The following B3GALT1 variants were observed in gnomAD, a reference collection of about 807,000 sequenced individuals.
The protein encoded by B3GALT1 is beta-1,3-galactosyltransferase 1.
B3GALT1 carries 10 observed loss-of-function variants against 23.2 expected under a neutral mutation model. The ratio of observed to expected loss-of-function variants is 0.43; its 90% CI spans 0.27 to 0.73. The LOEUF is 0.73. Ranked by LOEUF, B3GALT1 falls within the 30% of genes least tolerant of loss-of-function variation. B3GALT1 has a pLI of 0.21. For missense variants in B3GALT1, 299 were observed against 405.4 expected, an observed-to-expected ratio of 0.74 and a Z score of 2.25; for synonymous variants, 156 against 141.5, an observed-to-expected ratio of 1.10 and a Z score of -0.73.
chr2:167,385,269 A>G (rs953787051), intron 1 of B3GALT1, among the ~76,000 whole-genome samples: 5 of 152,008 alleles, frequency 3.3e-5, no homozygotes, highest in African/African-American at 9.7e-5. Flanking sequence ...CTCTCTTTTA[A>G]CATTCTGCCC....
intron 3 of B3GALT1, among the ~76,000 whole-genome samples, chr2:167,743,531 T>C (rs1333455031): frequency 6.6e-6 from 1 of 152,138 alleles, no homozygotes; most frequent in Non-Finnish European, 1.5e-5. Flanking sequence ...ATGTCTGTTT[T>C]TATCTTTTGC....
chr2:167,529,258 A>G (rs559524076), intron 2 of B3GALT1, among the ~76,000 whole-genome samples: 11 of 151,996 alleles, frequency 7.2e-5, no homozygotes, highest in South Asian at 6.2e-4. Flanking sequence ...CATAACCCTA[A>G]ATGCTGGCAT....
At chr2:167,565,468 C>T (rs950707218) in intron 2 of B3GALT1, among the ~76,000 whole-genome samples, 3 of 152,180 alleles carry the variant, frequency 2.0e-5, no homozygotes, top group African/African-American at 7.2e-5. Context: ...ATGTCTAAAA[C>T]ACCAAAAGCA....
At chr2:167,835,919 G>T (rs1426047561) in intron 4 of B3GALT1, among the ~76,000 whole-genome samples, 1 of 152,130 alleles carries the variant, frequency 6.6e-6, no homozygotes, top group Non-Finnish European at 1.5e-5. Context: ...GGCAAACAGG[G>T]TCTGGAGTGG....
intron 4 of B3GALT1, among the ~76,000 whole-genome samples, chr2:167,831,532 A>G (rs1324339397): frequency 1.3e-5 from 2 of 152,200 alleles, no homozygotes; most frequent in African/African-American, 4.8e-5. Context: ...CTTGTGGCCA[A>G]AAAATTAGAG....
chr2:167,611,498 C>T (rs766886789), intron 2 of B3GALT1, among the ~76,000 whole-genome samples: 5 of 151,850 alleles, frequency 3.3e-5, no homozygotes, highest in Non-Finnish European at 5.9e-5. Context: ...GCACAAAAGT[C>T]CTTTTTGCAT....
At chr2:167,331,795 G>C (rs957209682) in intron 1 of B3GALT1, among the ~76,000 whole-genome samples, 1 of 151,748 alleles carries the variant, frequency 6.6e-6, no homozygotes, top group African/African-American at 2.4e-5. Context: ...GTTGGAGGTA[G>C]CAGCAGCTGT....
chr2:167,479,080 GTAAA>G (rs762076237), intron 1 of B3GALT1, among the ~76,000 whole-genome samples: 22 of 151,630 alleles, frequency 1.5e-4, no homozygotes, highest in Non-Finnish European at 2.6e-4. Context: ...AAATAAATAA[GTAAA>G]TAAATAAATA....
chr2:167,636,562 A>G (rs1368958917), intron 2 of B3GALT1, among the ~76,000 whole-genome samples: 1 of 152,142 alleles, frequency 6.6e-6, no homozygotes, highest in Non-Finnish European at 1.5e-5. Flanking sequence ...ACTACTCACA[A>G]TAGCAAAGGC....
intron 2 of B3GALT1, among the ~76,000 whole-genome samples, chr2:167,523,921 A>C (rs774250210): frequency 6.6e-6 from 1 of 152,138 alleles, no homozygotes; most frequent in Non-Finnish European, 1.5e-5. Flanking sequence ...TTCTTTTATC[A>C]GTTAGTATTG....
intron 2 of B3GALT1, among the ~76,000 whole-genome samples, chr2:167,516,434 T>C (rs1700100822): frequency 6.6e-6 from 1 of 151,136 alleles, no homozygotes; most frequent in Non-Finnish European, 1.5e-5. Context: ...ATGTCAAACT[T>C]TACTGTGATA....
intron 2 of B3GALT1, among the ~76,000 whole-genome samples, chr2:167,614,691 A>G (rs559992182): frequency 6.6e-6 from 1 of 152,188 alleles, no homozygotes; most frequent in East Asian, 1.9e-4. Flanking sequence ...TGTCAATGGG[A>G]CATAGTGCAA....
intron 1 of B3GALT1, among the ~76,000 whole-genome samples, chr2:167,401,162 T>C (rs904088512): frequency 6.6e-6 from 1 of 152,232 alleles, no homozygotes; most frequent in African/African-American, 2.4e-5. Flanking sequence ...CACTTTAAAT[T>C]ACCAGAGAGT....
At chr2:167,676,498 C>A (rs1408048866) in intron 3 of B3GALT1, among the ~76,000 whole-genome samples, 7 of 146,338 alleles carry the variant, frequency 4.8e-5, no homozygotes, top group Admixed American at 3.5e-4. Context: ...CACACACATG[C>A]ACACACGTGT....
intron 1 of B3GALT1, among the ~76,000 whole-genome samples, chr2:167,356,302 A>G (rs920424800): frequency 1.3e-5 from 2 of 152,218 alleles, no homozygotes; most frequent in African/African-American, 4.8e-5. Context: ...TCCTAAATAC[A>G]TATATATGCC....
chr2:167,623,480 T>C (rs558264436), intron 2 of B3GALT1, among the ~76,000 whole-genome samples: 1 of 152,084 alleles, frequency 6.6e-6, no homozygotes, highest in Non-Finnish European at 1.5e-5. Flanking sequence ...GAAACCATCA[T>C]TCTCAGCAAA....
At chr2:167,854,611 C>T (rs1366672702) in intron 4 of B3GALT1, among the ~76,000 whole-genome samples, 1 of 152,190 alleles carries the variant, frequency 6.6e-6, no homozygotes, top group Non-Finnish European at 1.5e-5. Flanking sequence ...CTGCTCACTT[C>T]TCCATCTATG....
chr2:167,463,663 A>G (rs1266607251), intron 1 of B3GALT1, among the ~76,000 whole-genome samples: 1 of 152,186 alleles, frequency 6.6e-6, no homozygotes, highest in African/African-American at 2.4e-5. Context: ...GATGGATTTC[A>G]GTGCTTTCAA....
intron 3 of B3GALT1, among the ~76,000 whole-genome samples, chr2:167,790,572 G>A (rs746255859): frequency 1.3e-5 from 2 of 152,208 alleles, no homozygotes; most frequent in Non-Finnish European, 1.5e-5. Context: ...GGCTTGGAAA[G>A]CATGGAGGAA....
Sources: gnomAD v4.1 joint callset for allele counts (sites outside exome capture counted in the v4.1 genomes callset) on GRCh38, gnomAD v4.1.1 for gene constraint, MANE v1.5 for transcripts, NCBI Gene and HGNC (gene_info 2026-07-23, HGNC 2026-07-21) for gene names.